Variants in DYNC2H1 observed in about 807,000 individuals in gnomAD.
DYNC2H1 encodes the protein dynein cytoplasmic 2 heavy chain 1.
Under a neutral mutation model 570.0 loss-of-function variants are expected in DYNC2H1, and 410 were observed. The ratio of observed to expected loss-of-function variants is 0.72; its 90% confidence interval spans 0.66 to 0.78. The LOEUF is 0.78. Among genes scored for constraint, DYNC2H1 ranks in the 30% least tolerant of loss-of-function variants. DYNC2H1 has a pLI of 0.00. For missense variants in DYNC2H1, 4,865 were observed against 5,046.4 expected (o/e 0.96, Z 1.09); for synonymous variants, 1,688 against 1,677.6 (o/e 1.01, Z -0.15).
At chr11:103,451,324 C>CTTTTTTTTTTTTTTTTTTTTT (rs34032894) in intron 85 of DYNC2H1, among the ~76,000 whole-genome samples, 3 of 71,034 alleles carry the variant, frequency 4.2e-5, no homozygotes, top group African/African-American at 2.0e-4. Context: ...AGTAAAAGGG[C>CTTTTTTTTTTTTTTTTTTTTT]TTTTTTTTTT....
intron 70 of DYNC2H1, among the ~76,000 whole-genome samples, chr11:103,273,513 T>G (rs1865789436): frequency 6.6e-6 from 1 of 152,160 alleles, no homozygotes; most frequent in South Asian, 2.1e-4. Flanking sequence ...TTCTTAATTT[T>G]AATTCAGTTT....
At chr11:103,321,615 T>C (rs1290748759) in intron 81 of DYNC2H1, among the ~76,000 whole-genome samples, 2 of 152,134 alleles carry the variant, frequency 1.3e-5, no homozygotes. Context: ...TATTATTTAA[T>C]AAATATGTGT....
chr11:103,166,035 TC>T lies in DYNC2H1; in HGVS notation c.4751del (p.Pro1584GlnfsTer16). On this transcript the variant is annotated frameshift_variant, in exon 31 of 89. Transcript: ENST00000375735. LOFTEE classifies it high-confidence loss of function. ...YTNIDTSSED[P>X]GNTESGILEL... ...CTAACATTGATACAAGTTCTGAGGATCCAGGGAATACTGGTATGGAAAAGAC... is the reference window on the plus strand; with the variant it reads ...CTAACATTGATACAAGTTCTGAGGATCAGGGAATACTGGTATGGAAAAGAC... 1 of 1,527,860 alleles carries T rather than the reference TC, an allele frequency of 6.5e-7. No homozygotes were observed. The allele number at this position is 1,527,860 out of a possible 1,614,324, so 94.6% of individuals were successfully genotyped here. A position where few individuals can be genotyped will look rare whatever the true frequency, so the allele number is the denominator to read the frequency against.
At chr11:103,257,519 A>C in intron 68 of DYNC2H1, 89 bp from the exon 69 acceptor site, 10 of 1,242,378 alleles carry the variant, frequency 8.0e-6, no homozygotes, top group Non-Finnish European at 1.1e-5. Flanking sequence ...TTACTTGGGT[A>C]GATATGTGCA....
At position 103,155,403 on chromosome 11, in the gene DYNC2H1, C is replaced by T; in HGVS notation, c.3646C>T (p.Leu1216Phe). The T allele has an allele frequency of 6.2e-7, 1 of 1,611,166 alleles. No homozygotes were observed. Among genetic ancestry groups the T allele is most frequent in the Non-Finnish European group, 8.5e-7 (1 of 1,178,714 alleles). ...AGATCACTGGCTTGACCTTTTTCGTCTCCTTGGACTTCCTAGGGGGACTAG... is the reference window on the plus strand; with the variant it reads ...AGATCACTGGCTTGACCTTTTTCGTTTCCTTGGACTTCCTAGGGGGACTAG... ...SPDHWLDLFR[L>F]LGLPRGTSLE... The change falls in exon 25 of 89, where the codon CTC becomes TTC. Residue 1216 changes from leucine (L) to phenylalanine (F), a missense_variant. Around this residue, in one of 5 missense-constraint regions of DYNC2H1, gnomAD observed 1,936 missense variants for 1,962.1 expected, o/e 0.99. Coordinates refer to ENST00000375735, the MANE Select transcript of DYNC2H1 (RefSeq NM_001377.3).
intron 85 of DYNC2H1, among the ~76,000 whole-genome samples, chr11:103,441,067 C>G (rs1345456050): frequency 3.3e-5 from 5 of 152,140 alleles, no homozygotes; most frequent in Admixed American, 6.5e-5. Context: ...GTATCAAAAT[C>G]CTTACACATC....
chr11:103,155,538 C>T (rs774381879), intron 25 of DYNC2H1, 37 bp downstream of exon 25: 2 of 1,568,652 alleles, frequency 1.3e-6, no homozygotes, highest in South Asian at 1.2e-5. Context: ...ATAAGTCTGG[C>T]CTTTTTTAAT....
At chr11:103,155,183 A>G in intron 24 of DYNC2H1, 148 bp from the exon 25 acceptor site, 1 of 776,044 alleles carries the variant, frequency 1.3e-6, no homozygotes, top group Non-Finnish European at 1.9e-6. Context: ...ATTCTGTTTA[A>G]GAATATGATT....
chr11:103,197,362 G>T (rs780716762), intron 47 of DYNC2H1, among the ~76,000 whole-genome samples: 2 of 152,098 alleles, frequency 1.3e-5, no homozygotes, highest in Non-Finnish European at 2.9e-5. Context: ...AGAAAGAAGT[G>T]AGGGGGCAGA....
chr11:103,121,791 G>A (rs1858724475), intron 10 of DYNC2H1, among the ~76,000 whole-genome samples: 1 of 151,926 alleles, frequency 6.6e-6, no homozygotes. Context: ...AAAAATTATT[G>A]TTTACAAAAA....
chr11:103,271,373 G>A (rs1434617916), intron 70 of DYNC2H1, among the ~76,000 whole-genome samples: 3 of 152,148 alleles, frequency 2.0e-5, no homozygotes. Context: ...GAAAATGAGT[G>A]ATTTAGTCTC....
chr11:103,407,033 T>G (rs776006056), intron 84 of DYNC2H1: 7 of 151,876 alleles, frequency 4.6e-5, no homozygotes, highest in Admixed American at 1.3e-4. Flanking sequence ...ATCATACGAA[T>G]TATAGATGTG....
At chr11:103,238,622 TC>T (rs1240737941) in intron 63 of DYNC2H1, among the ~76,000 whole-genome samples, 1 of 152,014 alleles carries the variant, frequency 6.6e-6, no homozygotes, top group African/African-American at 2.4e-5. Flanking sequence ...CTAAAGCTTT[TC>T]TGAGGTTCTC....
At chr11:103,279,309 C>T (rs546669193) in intron 70 of DYNC2H1, among the ~76,000 whole-genome samples, 2 of 152,066 alleles carry the variant, frequency 1.3e-5, no homozygotes, top group South Asian at 4.2e-4. Context: ...AAAATTGAAC[C>T]AGTTCTTACT....
In DYNC2H1 at chr11:103,135,769, T is replaced by C; in HGVS notation, c.2395T>C (p.Tyr799His). 1 of 1,612,578 alleles carries C rather than the reference T, an allele frequency of 6.2e-7. No individual in the cohort carries two copies. The highest frequency in any genetic ancestry group is 1.1e-5 in the South Asian group (1 of 90,704). ...RPPFEEIRAK[Y>H]YREMKRFIGI... ...CCCTTTTGAAGAAATCCGGGCTAAA[T>C]ATTATAGAGAAATGAAGAGATTCAT... Residue 799 changes from tyrosine to histidine, a missense_variant, in exon 17 of 89, where the codon TAT (tyrosine) becomes CAT (histidine). Tyr to His is a moderately conservative substitution (Grantham distance 83). Transcript: ENST00000375735.
chr11:103,162,925 C>G, intron 29 of DYNC2H1, 103 bp from the exon 30 acceptor site: 2 of 990,136 alleles, frequency 2.0e-6, no homozygotes, highest in Non-Finnish European at 2.8e-6. Flanking sequence ...CTTGAAATAA[C>G]AGTATAGAGT....
At position 103,154,760 on chromosome 11, in the gene DYNC2H1, A is replaced by G; in HGVS notation, c.3524A>G (p.Glu1175Gly). The change falls in exon 24 of 89, where the codon GAA becomes GGA. Residue 1175 changes from glutamate to glycine, a missense_variant. Glu to Gly is a moderately conservative substitution (Grantham distance 98, BLOSUM62 -2). This residue lies in a region of DYNC2H1 where 1,936 missense variants were observed against 1,962.1 expected (regional missense o/e 0.99). Coordinates refer to ENST00000375735, the MANE Select transcript of DYNC2H1 (RefSeq NM_001377.3). ...NWHDRLRKVEEHSVMTVKLQS... is the reference protein window; with the variant it reads ...NWHDRLRKVEGHSVMTVKLQS... The stretch of plus-strand genomic sequence containing the variant: ...CATGACAGATTAAGGAAGGTTGAAG[A>G]ACATTCAGTGATGACAGTGAAATTA... The G allele has an allele frequency of 6.4e-7, 1 of 1,568,182 alleles. No homozygotes were observed. Among genetic ancestry groups the G allele is most frequent in the Non-Finnish European group, 8.7e-7 (1 of 1,155,960 alleles).
intron 85 of DYNC2H1, among the ~76,000 whole-genome samples, chr11:103,453,396 C>T (rs1308335833): frequency 1.3e-5 from 2 of 151,760 alleles, no homozygotes; most frequent in Non-Finnish European, 1.5e-5. Context: ...TGCACTGTGA[C>T]GTTTGCTGTT....
chr11:103,303,372 A>T, intron 76 of DYNC2H1, 119 bp downstream of exon 76: 1 of 1,102,660 alleles, frequency 9.1e-7, no homozygotes, highest in Non-Finnish European at 1.3e-6. Flanking sequence ...AAAAATGTCT[A>T]TGTCCTAATC....
Sources: gnomAD v4.1 joint callset for allele counts (sites outside exome capture counted in the v4.1 genomes callset) on GRCh38, gnomAD v4.1.1 for gene constraint, gnomAD v4.1.1 regional missense constraint, MANE v1.5 for transcripts, NCBI Gene and HGNC (gene_info 2026-07-23, HGNC 2026-07-21) for gene names.